Variants in NKAIN2 observed in about 807,000 individuals in gnomAD.
NKAIN2 encodes the protein sodium/potassium-transporting ATPase subunit beta-1-interacting protein 2.
In NKAIN2, 14 loss-of-function variants were observed where a neutral mutation model predicts 32.6. That is an observed-to-expected ratio of 0.43 (90% confidence interval 0.28 to 0.67). NKAIN2 has a LOEUF of 0.67. Ranked by LOEUF, NKAIN2 falls within the 30% of genes least tolerant of loss-of-function variation. The probability of loss-of-function intolerance (pLI) is 0.17; values close to 1 mark genes in which losing one functional copy is unlikely to be tolerated. For synonymous variants in NKAIN2, 80 were observed against 87.2 expected (o/e 0.92, Z 0.46); for missense variants, 198 against 258.3 (o/e 0.77, Z 1.60).
At chr6:124,472,903 A>G (rs1056667179) in intron 3 of NKAIN2, among the ~76,000 whole-genome samples, 5 of 152,086 alleles carry the variant, frequency 3.3e-5, no homozygotes, top group Non-Finnish European at 7.4e-5. Flanking sequence ...AGATATATAA[A>G]TAAAATGCAT....
chr6:124,583,446 A>G (rs1228773705), intron 3 of NKAIN2, among the ~76,000 whole-genome samples: 1 of 152,160 alleles, frequency 6.6e-6, no homozygotes, highest in African/African-American at 2.4e-5. Flanking sequence ...TGAAAACTAT[A>G]AAATATTGCC....
chr6:124,528,430 G>T (rs1390776062), intron 3 of NKAIN2, among the ~76,000 whole-genome samples: 1 of 152,192 alleles, frequency 6.6e-6, no homozygotes, highest in Non-Finnish European at 1.5e-5. Flanking sequence ...CAAGAGGTTT[G>T]ACAGCTTGCA....
intron 3 of NKAIN2, among the ~76,000 whole-genome samples, chr6:124,586,751 A>G (rs1013009030): frequency 9.9e-5 from 15 of 152,240 alleles, no homozygotes; most frequent in African/African-American, 3.1e-4. Context: ...AAATATTTAT[A>G]GCAGCTTTAT....
intron 3 of NKAIN2, among the ~76,000 whole-genome samples, chr6:124,511,047 A>G (rs1422884116): frequency 6.6e-6 from 1 of 152,222 alleles, no homozygotes; most frequent in East Asian, 1.9e-4. Flanking sequence ...TGTGCTACCC[A>G]GGACAGAATT....
intron 4 of NKAIN2, among the ~76,000 whole-genome samples, chr6:124,763,149 T>C (rs997815199): frequency 5.9e-5 from 9 of 152,128 alleles, no homozygotes; most frequent in South Asian, 2.1e-4. Flanking sequence ...AGCAGGGTGA[T>C]TGGGGAGCTG....
intron 3 of NKAIN2, among the ~76,000 whole-genome samples, chr6:124,620,921 T>C (rs2114255918): frequency 6.6e-6 from 1 of 152,268 alleles, no homozygotes; most frequent in South Asian, 2.1e-4. Flanking sequence ...AACTTCAAAA[T>C]CTTGACACAA....
intron 4 of NKAIN2, among the ~76,000 whole-genome samples, chr6:124,737,280 T>C (rs1341297031): frequency 6.6e-6 from 1 of 151,862 alleles, no homozygotes; most frequent in Non-Finnish European, 1.5e-5. Context: ...GCTGTTCTTG[T>C]GATAAGTCAA....
At chr6:124,170,128 A>T (rs1053960839) in intron 1 of NKAIN2, among the ~76,000 whole-genome samples, 3 of 151,976 alleles carry the variant, frequency 2.0e-5, no homozygotes, top group Non-Finnish European at 4.4e-5. Context: ...CTCACCAGGG[A>T]TGCTTCCTTA....
intron 1 of NKAIN2, among the ~76,000 whole-genome samples, chr6:124,047,139 T>C (rs528199083): frequency 2.3e-4 from 35 of 152,108 alleles, no homozygotes; most frequent in African/African-American, 8.2e-4. Context: ...ATCCAATTAC[T>C]TTACTGTCCT....
At chr6:124,476,039 T>A (rs12176020) in intron 3 of NKAIN2, among the ~76,000 whole-genome samples, 1 of 128,348 alleles carries the variant, frequency 7.8e-6, no homozygotes, top group Admixed American at 8.9e-5. Flanking sequence ...TGTGAGAGAG[T>A]GTGTGTGTGA....
At chr6:124,439,437 T>C (rs1207104480) in intron 3 of NKAIN2, among the ~76,000 whole-genome samples, 2 of 151,818 alleles carry the variant, frequency 1.3e-5, no homozygotes, top group Admixed American at 1.3e-4. Flanking sequence ...TGAGGTTACA[T>C]CTCTTATCCT....
chr6:124,017,881 G>C (rs900658632), intron 1 of NKAIN2, among the ~76,000 whole-genome samples: 1 of 152,088 alleles, frequency 6.6e-6, no homozygotes, highest in African/African-American at 2.4e-5. Context: ...CTGGGGTCTG[G>C]AGGACAGTGG....
intron 1 of NKAIN2, among the ~76,000 whole-genome samples, chr6:123,891,759 G>A (rs758660035): frequency 3.3e-5 from 5 of 152,052 alleles, no homozygotes; most frequent in Non-Finnish European, 7.4e-5. Flanking sequence ...AGATTTTCTC[G>A]TCAACAAACC....
chr6:123,885,709 T>C (rs1466882272), intron 1 of NKAIN2, among the ~76,000 whole-genome samples: 2 of 152,046 alleles, frequency 1.3e-5, no homozygotes, highest in African/African-American at 4.8e-5. Flanking sequence ...TAGTGAGCTA[T>C]ATAAAATTGT....
intron 3 of NKAIN2, among the ~76,000 whole-genome samples, chr6:124,464,395 A>ACTTT (rs1206499300): frequency 6.6e-6 from 1 of 150,412 alleles, no homozygotes; most frequent in African/African-American, 2.4e-5. Context: ...CATTTTTTTT[A>ACTTT]CTTTCATGGT....
chr6:124,011,422 C>T (rs1012274283), intron 1 of NKAIN2, among the ~76,000 whole-genome samples: 11 of 151,330 alleles, frequency 7.3e-5, no homozygotes, highest in Non-Finnish European at 1.3e-4. Context: ...TAGCCTGAGA[C>T]GCATTTCCAA....
chr6:124,388,871 G>T (rs1773026668), intron 3 of NKAIN2, among the ~76,000 whole-genome samples: 4 of 151,914 alleles, frequency 2.6e-5, no homozygotes, highest in Admixed American at 2.6e-4. Flanking sequence ...TGATTTTCCT[G>T]ATTAAAATGG....
chr6:123,972,601 C>T (rs1264299540), intron 1 of NKAIN2, among the ~76,000 whole-genome samples: 1 of 152,102 alleles, frequency 6.6e-6, no homozygotes, highest in African/African-American at 2.4e-5. Flanking sequence ...GTAAAAAGCT[C>T]TATAAAAGAT....
chr6:124,344,167 C>T (rs1454440523), intron 2 of NKAIN2, among the ~76,000 whole-genome samples: 1 of 152,108 alleles, frequency 6.6e-6, no homozygotes, highest in Non-Finnish European at 1.5e-5. Flanking sequence ...TTTCTGAGGG[C>T]TCTGTTCTGT....
Sources: allele counts gnomAD v4.1 joint callset (sites outside exome capture counted in the v4.1 genomes callset), GRCh38; gene constraint gnomAD v4.1.1; transcripts MANE v1.5; gene names NCBI Gene and HGNC (gene_info 2026-07-23, HGNC 2026-07-21).